The following IMMP2L variants were observed in gnomAD, a reference collection of about 807,000 sequenced individuals.
The protein encoded by IMMP2L is mitochondrial inner membrane protease subunit 2.
In IMMP2L, 18 loss-of-function variants were observed where a neutral mutation model predicts 19.3. The observed-to-expected ratio is 0.93, with a 90% confidence interval of 0.64 to 1.38. IMMP2L has a LOEUF of 1.38. IMMP2L is among the 40% of genes most tolerant of loss of function. IMMP2L has a pLI of 0.00. For synonymous variants in IMMP2L, 76 were observed against 73.0 expected (o/e 1.04, Z -0.21); for missense variants, 233 against 218.2 (o/e 1.07, Z -0.43).
intron 3 of IMMP2L, among the ~76,000 whole-genome samples, chr7:111,159,989 G>T (rs974205756): frequency 6.6e-6 from 1 of 152,086 alleles, no homozygotes; most frequent in Non-Finnish European, 1.5e-5. Context: ...CTTGCACAGT[G>T]CAGCTTCACA....
chr7:111,520,737 G>A (rs1350248960), intron 2 of IMMP2L, among the ~76,000 whole-genome samples: 1 of 151,990 alleles, frequency 6.6e-6, no homozygotes, highest in Non-Finnish European at 1.5e-5. Flanking sequence ...ATCAACTTTA[G>A]GACAACATAA....
Position 111,136,246 on chromosome 7 carries a change from T to C in IMMP2L, c.240-172681A>G, listed in dbSNP as rs540456000. On this transcript the variant is annotated intron_variant, in intron 3 of 5. Transcript: ENST00000405709. ...TTTCACCATCTTGGCCAGGCTAGTC[T>C]TGAACTTCTGACCTCATGATCCACC... is the stretch of plus-strand genomic sequence containing the variant. Among the ~76,000 whole-genome samples, 3 of 152,282 alleles carry C rather than the reference T, an allele frequency of 2.0e-5. No individual in the cohort carries two copies. The South Asian group carries it at 6.2e-4, about 32-fold the overall frequency.
At chr7:111,033,876 GATAA>G (rs1382537072) in intron 3 of IMMP2L, among the ~76,000 whole-genome samples, 1 of 152,090 alleles carries the variant, frequency 6.6e-6, no homozygotes, top group Non-Finnish European at 1.5e-5. Flanking sequence ...CAGATTAACA[GATAA>G]ATAAATAGTG....
chr7:111,438,785 C>T (rs1215922781), intron 3 of IMMP2L, among the ~76,000 whole-genome samples: 1 of 151,904 alleles, frequency 6.6e-6, no homozygotes, highest in East Asian at 1.9e-4. Context: ...CTAAACACAG[C>T]CCTCTCATTC....
At chr7:110,696,889 A>C (rs898676117) in intron 5 of IMMP2L, among the ~76,000 whole-genome samples, 32 of 152,202 alleles carry the variant, frequency 2.1e-4, no homozygotes, top group African/African-American at 7.0e-4. Context: ...GTTCCATTTG[A>C]CATATATTGT....
chr7:111,217,420 G>A (rs1390324917), intron 3 of IMMP2L, among the ~76,000 whole-genome samples: 1 of 151,980 alleles, frequency 6.6e-6, no homozygotes, highest in East Asian at 1.9e-4. Flanking sequence ...AACAAGAAGT[G>A]GTAAGAAAGA....
chr7:110,744,706 T>G (rs954428840), intron 5 of IMMP2L, among the ~76,000 whole-genome samples: 2 of 152,086 alleles, frequency 1.3e-5, no homozygotes, highest in African/African-American at 4.8e-5. Flanking sequence ...AGTATCAACA[T>G]CAACAAAAAG....
chr7:110,747,154 A>C (rs955884057), intron 5 of IMMP2L, among the ~76,000 whole-genome samples: 3 of 152,208 alleles, frequency 2.0e-5, no homozygotes, highest in African/African-American at 7.2e-5. Flanking sequence ...ATCTAGAAGA[A>C]ATAGGTAAAT....
At chr7:111,007,664 T>A (rs190977720) in intron 3 of IMMP2L, among the ~76,000 whole-genome samples, 1 of 152,118 alleles carries the variant, frequency 6.6e-6, no homozygotes, top group Non-Finnish European at 1.5e-5. Flanking sequence ...TATGTACACA[T>A]ATAGACATGT....
chr7:111,558,823 T>C lies in IMMP2L; in HGVS notation c.-3+3028A>G, dbSNP rs1791680746. Among the ~76,000 whole-genome samples the C allele has an allele frequency of 2.6e-5, 4 of 152,184 alleles. No homozygotes were observed. In the South Asian group the frequency reaches 8.3e-4, roughly 32 times the overall value. ...GGTTCTGATCTGGAAATCTAAATGC[T>C]ATTTATTCCTATAAGTACATTGTTA... On this transcript the variant is annotated intron_variant, in intron 1 of 5. Transcript: ENST00000405709.
intron 2 of IMMP2L, among the ~76,000 whole-genome samples, chr7:111,512,835 A>G (rs1395303700): frequency 6.6e-6 from 1 of 152,200 alleles, no homozygotes; most frequent in Non-Finnish European, 1.5e-5. Flanking sequence ...AAAGATGCCA[A>G]GAACATACAA....
At chr7:111,401,099 T>C (rs370629837) in intron 3 of IMMP2L, among the ~76,000 whole-genome samples, 24 of 152,254 alleles carry the variant, frequency 1.6e-4, no homozygotes, top group African/African-American at 5.5e-4. Flanking sequence ...TTTTAAGAAT[T>C]TGAGAGCATG....
rs796373597 is a variant in IMMP2L, at chr7:110,903,776, CT to C, written c.306-17082del. On this transcript the variant is annotated intron_variant, in intron 4 of 5. Transcript: ENST00000405709. Reference sequence around the variant, plus strand: ...GGATCATATAGTAGCTCTGTTTTCACTTTTTTTTTTTGTAGGAACCTCCATA... The same window carrying C: ...GGATCATATAGTAGCTCTGTTTTCACTTTTTTTTTTGTAGGAACCTCCATA... Among the ~76,000 whole-genome samples, 874 of 145,728 alleles carry C rather than the reference CT, an allele frequency of 6.0e-3. 8 individuals are homozygous for C. Among genetic ancestry groups the C allele is most frequent in the African/African-American group, 0.018 (734 of 40,106 alleles).
At chr7:111,074,789 C>T (rs1396056241) in intron 3 of IMMP2L, among the ~76,000 whole-genome samples, 2 of 152,060 alleles carry the variant, frequency 1.3e-5, no homozygotes, top group African/African-American at 2.4e-5. Context: ...ATTGCAATCA[C>T]GTATTTGGTT....
At chr7:111,336,862 G>A (rs1425786670) in intron 3 of IMMP2L, among the ~76,000 whole-genome samples, 1 of 148,444 alleles carries the variant, frequency 6.7e-6, no homozygotes, top group Non-Finnish European at 1.5e-5. Flanking sequence ...TAGAATTTTG[G>A]TACTCAGTCT....
chr7:111,541,983 CGTAG>C (rs1240450876), intron 1 of IMMP2L, among the ~76,000 whole-genome samples: 6 of 151,982 alleles, frequency 3.9e-5, no homozygotes, highest in Non-Finnish European at 8.8e-5. Flanking sequence ...AAAAGTGAGA[CGTAG>C]GTAACAGAAT....
chr7:111,072,547 C>CAAA (rs111388342), intron 3 of IMMP2L, among the ~76,000 whole-genome samples: 3 of 142,592 alleles, frequency 2.1e-5, no homozygotes, highest in South Asian at 2.2e-4. Flanking sequence ...CCACAAAACT[C>CAAA]AAAAAAAAAA....
chr7:110,848,311 C>T (rs11505731), intron 5 of IMMP2L, among the ~76,000 whole-genome samples: 8,121 of 152,148 alleles, frequency 0.053, 700 homozygotes, highest in African/African-American at 0.18. Flanking sequence ...GTAAAGACGT[C>T]CAACATAATA....
chr7:111,527,118 T>C (rs897652991), intron 1 of IMMP2L, among the ~76,000 whole-genome samples: 1 of 152,028 alleles, frequency 6.6e-6, no homozygotes, highest in Non-Finnish European at 1.5e-5. Flanking sequence ...ACCAGTTCCA[T>C]GACTTTGAAC....
Sources: gnomAD v4.1 joint callset for allele counts (sites outside exome capture counted in the v4.1 genomes callset) on GRCh38, gnomAD v4.1.1 for gene constraint, MANE v1.5 for transcripts, NCBI Gene and HGNC (gene_info 2026-07-23, HGNC 2026-07-21) for gene names.